The following FAM135B variants were observed in gnomAD, a reference collection of about 807,000 sequenced individuals.
The protein encoded by FAM135B is protein FAM135B.
A neutral mutation model predicts 127.7 loss-of-function variants in FAM135B; 43 were observed. The observed-to-expected ratio is 0.34, with a 90% confidence interval of 0.26 to 0.43. The LOEUF is 0.43. Ranked by LOEUF, FAM135B falls within the 20% of genes least tolerant of loss-of-function variation. FAM135B has a pLI of 1.00. For synonymous variants in FAM135B, 670 were observed against 665.1 expected, an observed-to-expected ratio of 1.01 and a Z score of -0.11; for missense variants, 1,558 against 1,725.6, an observed-to-expected ratio of 0.90 and a Z score of 1.72.
intron 11 of FAM135B, among the ~76,000 whole-genome samples, chr8:138,176,073 T>A (rs1025196172): frequency 2.0e-5 from 3 of 152,198 alleles, no homozygotes; most frequent in Non-Finnish European, 2.9e-5. Flanking sequence ...GACAGAAACA[T>A]AACTCTCTCA....
intron 7 of FAM135B, among the ~76,000 whole-genome samples, chr8:138,215,273 T>G (rs1041892459): frequency 5.3e-5 from 8 of 152,212 alleles, no homozygotes; most frequent in African/African-American, 1.9e-4. Flanking sequence ...AGATTCCTGG[T>G]AGGGTGCTAG....
At chr8:138,317,692 C>T (rs1827192302) in intron 2 of FAM135B, among the ~76,000 whole-genome samples, 1 of 152,232 alleles carries the variant, frequency 6.6e-6, no homozygotes, top group African/African-American at 2.4e-5. Flanking sequence ...GGAGAAAACG[C>T]AAACGCCTAC....
intron 12 of FAM135B, among the ~76,000 whole-genome samples, chr8:138,162,328 C>T (rs183164114): frequency 3.3e-4 from 51 of 152,250 alleles, no homozygotes; most frequent in African/African-American, 1.0e-3. Flanking sequence ...GAGGATTTTT[C>T]GAGCAATGGA....
At chr8:138,332,230 G>T (rs530857657) in intron 2 of FAM135B, among the ~76,000 whole-genome samples, 1 of 152,180 alleles carries the variant, frequency 6.6e-6, no homozygotes, top group Non-Finnish European at 1.5e-5. Context: ...ACCAGGTAAG[G>T]CTATGTGGAC....
intron 3 of FAM135B, among the ~76,000 whole-genome samples, chr8:138,298,284 A>G (rs909695318): frequency 2.0e-5 from 3 of 152,202 alleles, no homozygotes; most frequent in Non-Finnish European, 2.9e-5. Context: ...ATATATAATA[A>G]ATTAACTGAA....
intron 3 of FAM135B, among the ~76,000 whole-genome samples, chr8:138,310,063 G>C (rs1826560176): frequency 6.6e-6 from 1 of 151,826 alleles, no homozygotes. Flanking sequence ...TATAGGCAGG[G>C]TTTCACCTTG....
At chr8:138,215,329 T>G (rs373121851) in intron 7 of FAM135B, among the ~76,000 whole-genome samples, 1 of 152,204 alleles carries the variant, frequency 6.6e-6, no homozygotes. Flanking sequence ...ATATGGGAGA[T>G]AGAAAATAGT....
chr8:138,142,288 CTTTTTTTTTTTTTTTTTTTT>C (rs71316322), intron 16 of FAM135B, among the ~76,000 whole-genome samples: 6 of 62,366 alleles, frequency 9.6e-5, no homozygotes, highest in African/African-American at 3.5e-4. Flanking sequence ...TCTGCTTCTT[CTTTTTTTTTTTTTTTTTTTT>C]TTTTTTTTTT....
At chr8:138,177,207 C>A in intron 11 of FAM135B, 140 bp downstream of exon 11, 3 of 772,832 alleles carry the variant, frequency 3.9e-6, no homozygotes, top group Admixed American at 2.8e-5. Context: ...CTTTTGCCTG[C>A]AGAGGAAATG....
chr8:138,286,819 C>T (rs1217489115), intron 3 of FAM135B, among the ~76,000 whole-genome samples: 1 of 152,180 alleles, frequency 6.6e-6, no homozygotes, highest in African/African-American at 2.4e-5. Flanking sequence ...TCATGAGGGA[C>T]CCCCGAGGTT....
At chr8:138,190,426 A>G (rs925677524) in intron 9 of FAM135B, among the ~76,000 whole-genome samples, 5 of 152,232 alleles carry the variant, frequency 3.3e-5, no homozygotes, top group Non-Finnish European at 7.3e-5. Context: ...CAGAGGGCTT[A>G]AGACTGACAA....
intron 1 of FAM135B, among the ~76,000 whole-genome samples, chr8:138,407,328 C>T (rs1018087141): frequency 3.3e-4 from 50 of 152,212 alleles, no homozygotes; most frequent in African/African-American, 1.1e-3. Context: ...AATGGCCATA[C>T]TGCCCAAGGT....
intron 3 of FAM135B, among the ~76,000 whole-genome samples, chr8:138,290,405 T>C (rs1825020679): frequency 6.6e-6 from 1 of 152,206 alleles, no homozygotes; most frequent in African/African-American, 2.4e-5. Flanking sequence ...AGATTTTCTT[T>C]CTTTAAAATA....
intron 1 of FAM135B, among the ~76,000 whole-genome samples, chr8:138,462,399 G>T (rs1837177665): frequency 6.6e-6 from 1 of 152,166 alleles, no homozygotes; most frequent in Non-Finnish European, 1.5e-5. Context: ...TGGGATAAAG[G>T]TTCCAGTGTT....
chr8:138,281,579 CCA>C (rs1563853160), intron 3 of FAM135B, among the ~76,000 whole-genome samples: 5 of 152,012 alleles, frequency 3.3e-5, no homozygotes, highest in Non-Finnish European at 7.4e-5. Flanking sequence ...CAATGTTGTT[CCA>C]CTCCTCCCCC....
intron 2 of FAM135B, among the ~76,000 whole-genome samples, chr8:138,317,525 A>G (rs1480829468): frequency 6.6e-6 from 1 of 152,236 alleles, no homozygotes; most frequent in Admixed American, 6.5e-5. Context: ...TAAACATTAT[A>G]TGAGATGTCT....
At chr8:138,194,234 TC>T in intron 9 of FAM135B, among the ~76,000 whole-genome samples, 1 of 152,076 alleles carries the variant, frequency 6.6e-6, no homozygotes, top group Non-Finnish European at 1.5e-5. Flanking sequence ...CCACCCCTTC[TC>T]CCAGGCTGCC....
intron 19 of FAM135B, among the ~76,000 whole-genome samples, chr8:138,134,130 G>T (rs796545481): frequency 1.3e-5 from 2 of 151,518 alleles, no homozygotes; most frequent in Non-Finnish European, 2.9e-5. Flanking sequence ...CAAGGGAAAA[G>T]GGAGGTCAGC....
intron 1 of FAM135B, among the ~76,000 whole-genome samples, chr8:138,436,325 A>G (rs1835454554): frequency 6.6e-6 from 1 of 152,220 alleles, no homozygotes; most frequent in Non-Finnish European, 1.5e-5. Context: ...ATTTATCTGG[A>G]AAATACCCCT....
Sources: gnomAD v4.1 joint callset for allele counts (sites outside exome capture counted in the v4.1 genomes callset) on GRCh38, gnomAD v4.1.1 for gene constraint, MANE v1.5 for transcripts, NCBI Gene and HGNC (gene_info 2026-07-23, HGNC 2026-07-21) for gene names.